The following ACTN4 variants were observed in gnomAD, a reference collection of about 807,000 sequenced individuals.
ACTN4 encodes actinin alpha 4.
In ACTN4, 18 loss-of-function variants were observed where a neutral mutation model predicts 114.2. The observed-to-expected ratio is 0.16, with a 90% CI of 0.11 to 0.23. The LOEUF is 0.23. Ranked by LOEUF, ACTN4 falls within the 10% of genes least tolerant of loss-of-function variation. The probability of loss-of-function intolerance (pLI) is 1.00; values close to 1 mark genes in which losing one functional copy is unlikely to be tolerated. For synonymous variants in ACTN4, 515 were observed against 506.3 expected (o/e 1.02, Z -0.23); for missense variants, 722 against 1,262.9 (o/e 0.57, Z 6.49).
chr19:38,729,686 GCTT>G lies in ACTN4; in HGVS notation c.*255_*257del. On this transcript the variant is annotated 3_prime_UTR_variant, in exon 21 of 21. Transcript: ENST00000252699. Reference sequence around the variant, plus strand: ...CTGGTAAATATGTATGATGTGTTGTGCTTTTTTAACCAAGGAGGGGCCAGTGGA... The same window carrying G: ...CTGGTAAATATGTATGATGTGTTGTGTTTTAACCAAGGAGGGGCCAGTGGA... 1.5e-6 allele frequency: 1 copy of G among 679,286 alleles called. No homozygotes were observed. 42.1% of individuals were successfully genotyped at this position (679,286 alleles called of 1,614,324 possible). A position where few individuals can be genotyped will look rare whatever the true frequency, so the allele number is the denominator to read the frequency against.
Position 38,727,296 on chromosome 19 carries a change from A to C in ACTN4, c.2337+193A>C, listed in dbSNP as rs1214654354. On this transcript the variant is annotated intron_variant, in intron 18 of 20. Coordinates refer to ENST00000252699, the MANE Select transcript of ACTN4 (RefSeq NM_004924.6). This position sits in a 1 kb window ranked among gnomAD's most constrained non-coding sequence, Gnocchi z 5.4. ...CCAAGACCCCAGCCTGGGCCACTTC[A>C]CACGCACAGGCAGGGGGCCGGAGGT... 6.6e-6 allele frequency among the ~76,000 whole-genome samples: 1 copy of C among 152,010 alleles called. No homozygotes were observed. Among genetic ancestry groups the C allele is most frequent in the African/African-American group, 2.4e-5 (1 of 41,384 alleles).
intron 5 of ACTN4, among the ~76,000 whole-genome samples, chr19:38,706,671 G>T (rs1054130256): frequency 3.3e-5 from 5 of 152,142 alleles, no homozygotes; most frequent in African/African-American, 1.2e-4. Flanking sequence ...CTCCTACCCC[G>T]GCCTCCCAAA....
At chr19:38,691,063 G>T (rs1325150638) in intron 1 of ACTN4, among the ~76,000 whole-genome samples, 2 of 152,212 alleles carry the variant, frequency 1.3e-5, no homozygotes, top group Non-Finnish European at 2.9e-5. Context: ...ACTTGGGAGG[G>T]AGACTGGTTA....
chr19:38,702,147 T>G (rs908256053), intron 3 of ACTN4, among the ~76,000 whole-genome samples: 33 of 152,230 alleles, frequency 2.2e-4, no homozygotes, highest in African/African-American at 7.7e-4. Flanking sequence ...GCTGCATTTA[T>G]TTTGCTCAAA....
intron 1 of ACTN4, among the ~76,000 whole-genome samples, chr19:38,688,868 G>C (rs140866744): frequency 6.6e-6 from 1 of 152,276 alleles, no homozygotes; most frequent in Admixed American, 6.5e-5. Context: ...GTGTAATGTG[G>C]TGCAGCTTCT....
chr19:38,676,687 A>G (rs1967386718), intron 1 of ACTN4, among the ~76,000 whole-genome samples: 1 of 152,136 alleles, frequency 6.6e-6, no homozygotes, highest in South Asian at 2.1e-4. Context: ...CCTGAGTAGG[A>G]GCTTTTCATC....
At chr19:38,709,711 G>C (rs111478284) in intron 7 of ACTN4, among the ~76,000 whole-genome samples, 5 of 152,196 alleles carry the variant, frequency 3.3e-5, no homozygotes, top group African/African-American at 1.2e-4. Context: ...ATGAAGAAGC[G>C]TATGGGGAGG....
chr19:38,672,204 A>G (rs886550983), intron 1 of ACTN4, among the ~76,000 whole-genome samples: 12 of 146,616 alleles, frequency 8.2e-5, no homozygotes, highest in Admixed American at 5.4e-4. Context: ...TGCCAGACGT[A>G]TGGCCCACAC....
intron 1 of ACTN4, among the ~76,000 whole-genome samples, chr19:38,650,618 T>G (rs1485339502): frequency 4.6e-5 from 7 of 152,190 alleles, no homozygotes; most frequent in Admixed American, 3.9e-4. Context: ...TGCCCTTTCC[T>G]GTTATGGGGT....
intron 2 of ACTN4, 140 bp from the exon 3 acceptor site, chr19:38,700,862 G>A: frequency 2.1e-6 from 3 of 1,398,960 alleles, no homozygotes. Context: ...CTGATGGGTG[G>A]GGCCAGAGTG....
chr19:38,700,450 G>T, intron 1 of ACTN4, 150 bp from the exon 2 acceptor site: 1 of 712,384 alleles, frequency 1.4e-6, no homozygotes, highest in East Asian at 2.7e-5. Flanking sequence ...CAGAAACAAT[G>T]TGTGTATCGG....
chr19:38,727,954 C>T lies in ACTN4; in HGVS notation c.2346C>T (p.Gly782=), dbSNP rs754604089. ...TCGGATGGCCCCGGCAGGATCATGGCGGGGCGCTGGGGCCCGAGGAGTTCA... is the reference window on the plus strand; with the variant it reads ...TCGGATGGCCCCGGCAGGATCATGGTGGGGCGCTGGGGCCCGAGGAGTTCA... The part of the protein sequence containing the change: ...ASFNHFDKDH[G]GALGPEEFKA... Residue 782 remains glycine (G), a synonymous_variant, in exon 19 of 21, where the codon GGC becomes GGT. Transcript: ENST00000252699. The surrounding 1 kb of genome is among the most constrained non-coding windows in gnomAD (Gnocchi z 5.4). 5.6e-6 allele frequency: 9 copies of T among 1,612,334 alleles called. No homozygotes were observed. The highest frequency in any genetic ancestry group is 2.7e-5 in the African/African-American group (2 of 74,900).
At chr19:38,684,630 C>T (rs569428193) in intron 1 of ACTN4, among the ~76,000 whole-genome samples, 26 of 152,224 alleles carry the variant, frequency 1.7e-4, no homozygotes, top group Non-Finnish European at 2.9e-4. Flanking sequence ...AGCCCTGTTC[C>T]TCGGCCAGGG....
intron 11 of ACTN4, among the ~76,000 whole-genome samples, chr19:38,720,888 G>A (rs939795661): frequency 2.0e-5 from 3 of 152,228 alleles, no homozygotes; most frequent in Admixed American, 6.5e-5. Context: ...TTTTCCCTGC[G>A]GTTCCCTAAA....
intron 8 of ACTN4, among the ~76,000 whole-genome samples, chr19:38,714,011 G>A (rs1809757767): frequency 6.6e-6 from 1 of 152,230 alleles, no homozygotes; most frequent in South Asian, 2.1e-4. Flanking sequence ...GGACAGGCCT[G>A]AGTGTGCTCC....
chr19:38,706,234 C>T, intron 5 of ACTN4, 103 bp downstream of exon 5: 4 of 1,242,740 alleles, frequency 3.2e-6, no homozygotes, highest in Non-Finnish European at 4.6e-6. Context: ...TGTGAGATGC[C>T]AGCCCTCAGT....
At chr19:38,709,975 T>C (rs1175691151) in intron 7 of ACTN4, among the ~76,000 whole-genome samples, 1 of 152,228 alleles carries the variant, frequency 6.6e-6, no homozygotes, top group African/African-American at 2.4e-5. Flanking sequence ...CCTGTGTCTC[T>C]GGCCTCTGGT....
chr19:38,652,516 C>T (rs922170571), intron 1 of ACTN4, among the ~76,000 whole-genome samples: 5 of 152,074 alleles, frequency 3.3e-5, no homozygotes, highest in Non-Finnish European at 7.4e-5. Context: ...AGGGTGTGGG[C>T]CCAGGATTGC....
rs940597691 is a variant in ACTN4 at position 38,729,810 on chromosome 19, TCCAGG to T, written c.*382_*386del. The T allele has an allele frequency of 9.5e-6, 4 of 422,350 alleles. No individual in the cohort carries two copies. Among genetic ancestry groups the T allele is most frequent in the African/African-American group, 8.1e-5 (4 of 49,210 alleles). The allele number at this position is 422,350 out of a possible 1,614,324, so 26.2% of individuals were successfully genotyped here. ...TGAGGTCCCTTCAAGGCCTCCCCAA[TCCAGG>T]CCAAAGCCCCATGTGCCTTGTCCAG... On this transcript the variant is annotated 3_prime_UTR_variant, in exon 21 of 21. Coordinates refer to ENST00000252699, the MANE Select transcript of ACTN4 (RefSeq NM_004924.6).
Sources: allele counts gnomAD v4.1 joint callset (sites outside exome capture counted in the v4.1 genomes callset), GRCh38; gene constraint gnomAD v4.1.1; non-coding constraint Gnocchi (gnomAD v3.1); transcripts MANE v1.5; gene names NCBI Gene and HGNC (gene_info 2026-07-23, HGNC 2026-07-21).